Variants in NAV2 observed in about 807,000 individuals in gnomAD.
NAV2 encodes neuron navigator 2, also known as helicase, APC down-regulated 1.
Under a neutral mutation model 223.2 loss-of-function variants are expected in NAV2, and 54 were observed. That is an observed-to-expected ratio of 0.24 (90% CI 0.19 to 0.30). The LOEUF is 0.30. Among genes scored for constraint, NAV2 ranks in the 10% least tolerant of loss-of-function variants. The probability of loss-of-function intolerance (pLI) is 1.00; values close to 1 mark genes in which losing one functional copy is unlikely to be tolerated. For missense variants in NAV2, 2,806 were observed against 3,147.5 expected (o/e 0.89, Z 2.60); for synonymous variants, 1,279 against 1,239.3 (o/e 1.03, Z -0.67).
intron 1 of NAV2, among the ~76,000 whole-genome samples, chr11:19,463,979 A>G (rs925533790): frequency 6.6e-6 from 1 of 152,216 alleles, no homozygotes; most frequent in Admixed American, 6.5e-5. Flanking sequence ...ACTGATACAG[A>G]TTAACCTGGA....
At chr11:19,965,500 T>C (rs913391002) in intron 10 of NAV2, among the ~76,000 whole-genome samples, 1 of 152,212 alleles carries the variant, frequency 6.6e-6, no homozygotes, top group Non-Finnish European at 1.5e-5. Flanking sequence ...TCTCTTACTA[T>C]GGTTTTTCTC....
At chr11:19,606,969 G>T (rs1032140479) in intron 1 of NAV2, among the ~76,000 whole-genome samples, 6 of 152,188 alleles carry the variant, frequency 3.9e-5, no homozygotes, top group African/African-American at 1.4e-4. Flanking sequence ...ACACTTTGAA[G>T]TTGGAGATGC....
At chr11:19,756,867 C>T (rs975112366) in intron 1 of NAV2, among the ~76,000 whole-genome samples, 11 of 152,174 alleles carry the variant, frequency 7.2e-5, no homozygotes, top group Admixed American at 1.3e-4. Flanking sequence ...TCGGACTTCA[C>T]GCACAGAGCC....
At chr11:19,481,659 G>A (rs1414905126) in intron 1 of NAV2, among the ~76,000 whole-genome samples, 1 of 152,204 alleles carries the variant, frequency 6.6e-6, no homozygotes, top group East Asian at 1.9e-4. Context: ...ATGCATCTGG[G>A]GCAGTGCCCA....
intron 3 of NAV2, among the ~76,000 whole-genome samples, chr11:19,860,138 C>T (rs1172307951): frequency 7.0e-6 from 1 of 142,132 alleles, no homozygotes. Context: ...CGCCCCTCAC[C>T]TCCCGGACGG....
chr11:19,486,837 G>A (rs1244945336), intron 1 of NAV2, among the ~76,000 whole-genome samples: 1 of 152,208 alleles, frequency 6.6e-6, no homozygotes, highest in African/African-American at 2.4e-5. Context: ...ATGAAGGAAT[G>A]AATGGGTAGT....
chr11:19,854,504 G>A lies in NAV2; in HGVS notation c.438+11581G>A, dbSNP rs12366028. 2.6e-5 allele frequency among the ~76,000 whole-genome samples: 4 copies of A among 152,130 alleles called. No homozygotes were observed. In the East Asian group the frequency reaches 7.7e-4, roughly 29 times the overall value. ...TTGGCACGCAACAGGCAAAAAATTG[G>A]CTGTAACTGGGTAGGAGCTGCCCCC... is the stretch of plus-strand genomic sequence containing the variant. On this transcript the variant is annotated intron_variant, in intron 3 of 37. Transcript: ENST00000349880.
chr11:19,585,955 GATA>G (rs1487874224), intron 1 of NAV2, among the ~76,000 whole-genome samples: 1 of 152,172 alleles, frequency 6.6e-6, no homozygotes, highest in African/African-American at 2.4e-5. Context: ...AGTTCTCCTG[GATA>G]ATATCCTGCA....
At chr11:19,826,929 CA>C (rs1261858238) in intron 1 of NAV2, among the ~76,000 whole-genome samples, 1 of 152,204 alleles carries the variant, frequency 6.6e-6, no homozygotes, top group African/African-American at 2.4e-5. Context: ...CCCTGTGACG[CA>C]CTACCAGGAG....
Position 19,705,036 on chromosome 11 carries a change from A to T in NAV2, c.76-127448A>T, listed in dbSNP as rs1230455278. Among the ~76,000 whole-genome samples, 7 of 151,576 alleles carry T rather than the reference A, an allele frequency of 4.6e-5. No individual in the cohort carries two copies. In the East Asian group the frequency reaches 1.4e-3, roughly 29 times the overall value. ...AAAAAAAAAAAAAAAAAAGAAAAGA[A>T]ATAATTTTTAAATATCAATTTGAAA... On this transcript the variant is annotated intron_variant, in intron 1 of 37. Coordinates refer to the NAV2 transcript ENST00000360655.
At chr11:19,577,009 G>T (rs1269053543) in intron 1 of NAV2, among the ~76,000 whole-genome samples, 1 of 152,174 alleles carries the variant, frequency 6.6e-6, no homozygotes, top group Non-Finnish European at 1.5e-5. Context: ...GCAGGAATTT[G>T]TCTTTTACTT....
intron 1 of NAV2, among the ~76,000 whole-genome samples, chr11:19,628,178 G>A (rs925119689): frequency 6.6e-6 from 1 of 152,180 alleles, no homozygotes; most frequent in Non-Finnish European, 1.5e-5. Context: ...GTCAGGAAGT[G>A]CCTCACAGCC....
chr11:19,874,895 G>C (rs556581996), intron 4 of NAV2, among the ~76,000 whole-genome samples: 2 of 152,198 alleles, frequency 1.3e-5, no homozygotes, highest in Non-Finnish European at 2.9e-5. Flanking sequence ...AATGGCTCAC[G>C]CCTTTAATCC....
At chr11:19,793,206 C>CAAAAAAAAAAAAAAAAAAA (rs557365857) in intron 1 of NAV2, among the ~76,000 whole-genome samples, 1 of 58,280 alleles carries the variant, frequency 1.7e-5, no homozygotes, top group Non-Finnish European at 3.5e-5. Context: ...CACTCTGTCT[C>CAAAAAAAAAAAAAAAAAAA]AAAAAAAAAA....
rs368113561 is a variant in NAV2, at chr11:20,055,863, C to T, written c.4737C>T (p.Tyr1579=). Reference sequence around the variant, plus strand: ...ATGCTGATGGGCAGTATGATCCATACACTGACAGCCGCTTCCGGAATAGCT... The same window carrying T: ...ATGCTGATGGGCAGTATGATCCATATACTGACAGCCGCTTCCGGAATAGCT... ...LSNADGQYDP[Y]TDSRFRNSSM... The change falls in exon 19 of 38, where the codon TAC becomes TAT. Residue 1579 remains tyrosine, a synonymous_variant. Coordinates refer to ENST00000349880, the MANE Select transcript of NAV2 (RefSeq NM_145117.5). 3 of 1,614,062 alleles carry T rather than the reference C, an allele frequency of 1.9e-6. No individual in the cohort carries two copies. The highest frequency in any genetic ancestry group is 2.7e-5 in the African/African-American group (2 of 74,934).
intron 1 of NAV2, among the ~76,000 whole-genome samples, chr11:19,483,130 T>G (rs1012629421): frequency 2.6e-5 from 4 of 152,254 alleles, no homozygotes; most frequent in African/African-American, 9.6e-5. Context: ...AACAATTTGT[T>G]GTAGGCAAGT....
rs1362405357 is a variant in NAV2 at position 19,715,381 on chromosome 11, CA to C, written c.267+1420del. 4.6e-5 allele frequency among the ~76,000 whole-genome samples: 7 copies of C among 152,232 alleles called. No homozygotes were observed. The East Asian group carries it at 1.4e-3, about 29-fold the overall frequency. On this transcript the variant is annotated intron_variant, in intron 1 of 37. Transcript: ENST00000349880. ...TCTGTTGTTACGTACAGGATTTGTC[CA>C]GTGGGCTCTGCCATGGGGGTGAGCA...
At position 19,892,501 on chromosome 11, in the gene NAV2, A is replaced by G; in HGVS notation, c.838A>G (p.Thr280Ala). The change falls in exon 6 of 38, where the codon ACT (threonine) becomes GCT (alanine). Residue 280 changes from threonine to alanine, a missense_variant. Physicochemically the swap from Thr to Ala is moderately conservative, Grantham distance 58. Coordinates refer to ENST00000349880, the MANE Select transcript of NAV2 (RefSeq NM_145117.5). ...GGCCAAAACACGCGGAGGGTCAACT[A>G]CTGCTAACAACCGACGCAGCCAGAG... ...SEAKTRGGST[T>A]ANNRRSQSFN... 3.7e-6 allele frequency: 6 copies of G among 1,614,234 alleles called. No individual in the cohort carries two copies. The highest frequency in any genetic ancestry group is 1.1e-5 in the South Asian group (1 of 91,084).
intron 5 of NAV2, among the ~76,000 whole-genome samples, chr11:19,885,850 G>T (rs969890023): frequency 6.6e-6 from 1 of 152,142 alleles, no homozygotes; most frequent in African/African-American, 2.4e-5. Context: ...CAAAATAACT[G>T]CTCACTTGCT....
Sources: allele counts gnomAD v4.1 joint callset (sites outside exome capture counted in the v4.1 genomes callset), GRCh38; gene constraint gnomAD v4.1.1; transcripts MANE v1.5; gene names NCBI Gene and HGNC (gene_info 2026-07-23, HGNC 2026-07-21).